The following CCDC174 variants were observed in gnomAD, a reference collection of about 807,000 sequenced individuals.
CCDC174 encodes the protein coiled-coil domain-containing protein 174.
Under a neutral mutation model 57.1 loss-of-function variants are expected in CCDC174, and 37 were observed. The ratio of observed to expected loss-of-function variants is 0.65; its 90% CI spans 0.50 to 0.85. The LOEUF is 0.85. Among genes scored for constraint, CCDC174 ranks in the 40% least tolerant of loss-of-function variants. CCDC174 has a pLI of 0.00. For synonymous variants in CCDC174, 182 were observed against 190.2 expected (o/e 0.96, Z 0.35); for missense variants, 540 against 574.3 (o/e 0.94, Z 0.61).
rs2031271734 is a variant in CCDC174, at chr3:14,665,106, A to G, written c.564A>G (p.Lys188=). The G allele has an allele frequency of 1.2e-6, 2 of 1,613,212 alleles. No individual in the cohort carries two copies. Among genetic ancestry groups the G allele is most frequent in the South Asian group, 2.2e-5 (2 of 91,066 alleles). ...TGCCAGATCTGCTGGAGATGGATAA[A>G]AATCTTCAGGGGAGACTGTAAGTGT... ...KDLPDLLEMD[K]NLQGRLFISP... is the part of the protein sequence containing the mutation. Residue 188 remains lysine, a synonymous_variant, in exon 6 of 11, where the codon AAA becomes AAG. Coordinates refer to ENST00000383794, the MANE Select transcript of CCDC174 (RefSeq NM_016474.5).
chr3:14,669,666 C>T (rs1479644210), intron 9 of CCDC174, among the ~76,000 whole-genome samples: 2 of 152,112 alleles, frequency 1.3e-5, no homozygotes, highest in Admixed American at 6.5e-5. Context: ...GACTCCAGCC[C>T]GTATCACTTT....
At chr3:14,656,064 T>C (rs1164463506) in intron 3 of CCDC174, among the ~76,000 whole-genome samples, 1 of 151,952 alleles carries the variant, frequency 6.6e-6, no homozygotes, top group Non-Finnish European at 1.5e-5. Context: ...CTCTCTCTCT[T>C]ACACACACAC....
intron 10 of CCDC174, 143 bp from the exon 11 acceptor site, chr3:14,670,753 T>C (rs2031481917): frequency 2.9e-6 from 2 of 688,348 alleles, no homozygotes; most frequent in East Asian, 2.7e-5. Context: ...TACCTTGTAA[T>C]ATAGTTTTGC....
Position 14,668,150 on chromosome 3 carries a change from A to C in CCDC174, c.921A>C (p.Ser307=). ...AKLRQKKMKK[S]KEGGTEEENR... ...TTCGACAAAAAAAGATGAAAAAATC[A>C]AAAGAAGGTGGAACAGAAGAAGAAA... Residue 307 remains serine, a synonymous_variant, in exon 9 of 11, where the codon TCA becomes TCC. Coordinates refer to ENST00000383794, the MANE Select transcript of CCDC174 (RefSeq NM_016474.5). 8.7e-6 allele frequency: 14 copies of C among 1,611,798 alleles called. No individual in the cohort carries two copies. Among genetic ancestry groups the C allele is most frequent in the Non-Finnish European group, 9.3e-6 (11 of 1,179,206 alleles).
intron 6 of CCDC174, among the ~76,000 whole-genome samples, chr3:14,665,359 A>G (rs2031280556): frequency 6.6e-6 from 1 of 152,220 alleles, no homozygotes; most frequent in African/African-American, 2.4e-5. Flanking sequence ...TTTTACTTGG[A>G]AGGATGTCTG....
At chr3:14,669,753 G>A (rs1009010518) in intron 9 of CCDC174, among the ~76,000 whole-genome samples, 181 bp from the exon 10 acceptor site, 1 of 152,130 alleles carries the variant, frequency 6.6e-6, no homozygotes, top group African/African-American at 2.4e-5. Flanking sequence ...GAATTTATTA[G>A]GATTGTTACA....
Position 14,654,529 on chromosome 3 carries a change from A to T in CCDC174, c.146A>T (p.Lys49Met), listed in dbSNP as rs1317211303. ...GVFGKPKTTN[K>M]KPSIWSKQNV... ...TTTGGAAAACCAAAAACAACTAACA[A>T]GGTAAAAAATAAGATCTAATTATCT... Residue 49 changes from lysine to methionine, a missense_variant and splice_region_variant, in exon 2 of 11, where the codon AAG (lysine) becomes ATG (methionine). Coordinates refer to ENST00000383794, the MANE Select transcript of CCDC174 (RefSeq NM_016474.5). 1.4e-6 allele frequency: 2 copies of T among 1,430,110 alleles called. No homozygotes were observed. The highest frequency in any genetic ancestry group is 2.0e-6 in the Non-Finnish European group (2 of 1,022,892). 88.6% of individuals were successfully genotyped at this position (1,430,110 alleles called of 1,614,324 possible).
intron 1 of CCDC174, among the ~76,000 whole-genome samples, chr3:14,653,292 A>C (rs1243243253): frequency 5.9e-5 from 9 of 152,222 alleles, no homozygotes; most frequent in Admixed American, 5.9e-4. Context: ...TAGACTAGGA[A>C]GATATGTGGC....
chr3:14,665,097 G>A lies in CCDC174; in HGVS notation c.555G>A (p.Glu185=), dbSNP rs200820539. The change falls in exon 6 of 11, where the codon GAG becomes GAA. Residue 185 remains glutamate (E), a synonymous_variant. Coordinates refer to ENST00000383794, the MANE Select transcript of CCDC174 (RefSeq NM_016474.5). ...GAAAGGATTTGCCAGATCTGCTGGA[G>A]ATGGATAAAAATCTTCAGGGGAGAC... ...CMRKDLPDLL[E]MDKNLQGRLF... is the part of the protein sequence containing the mutation. 6.2e-7 allele frequency: 1 copy of A among 1,613,964 alleles called. No individual in the cohort carries two copies. The highest frequency in any genetic ancestry group is 2.2e-5 in the East Asian group (1 of 44,884).
At chr3:14,667,378 A>G in intron 7 of CCDC174, 46 bp from the exon 8 acceptor site, 2 of 1,424,752 alleles carry the variant, frequency 1.4e-6, no homozygotes, top group Non-Finnish European at 2.0e-6. Flanking sequence ...GTGTAGTTGA[A>G]TGATCAGGAC....
At chr3:14,655,314 G>GA (rs113359021) in intron 2 of CCDC174, among the ~76,000 whole-genome samples, 78 of 141,994 alleles carry the variant, frequency 5.5e-4, no homozygotes, top group Non-Finnish European at 5.7e-4. Flanking sequence ...CTGTCTCAAA[G>GA]AAAAAAAAAA....
chr3:14,664,454 C>T (rs1318592190), intron 5 of CCDC174, among the ~76,000 whole-genome samples: 1 of 152,198 alleles, frequency 6.6e-6, no homozygotes, highest in Admixed American at 6.5e-5. Flanking sequence ...AGCTGTCTGA[C>T]CACTGTCTAG....
chr3:14,666,037 C>G (rs1216173256), intron 6 of CCDC174, among the ~76,000 whole-genome samples: 1 of 84,802 alleles, frequency 1.2e-5, no homozygotes, highest in Non-Finnish European at 2.4e-5. Flanking sequence ...GACTCCGTCT[C>G]AAAAAAAAAA....
intron 3 of CCDC174, 74 bp from the exon 4 acceptor site, chr3:14,658,797 G>T: frequency 6.9e-7 from 1 of 1,455,760 alleles, no homozygotes; most frequent in Non-Finnish European, 9.3e-7. Context: ...GTACCTGTCA[G>T]GCAGGGAGTG....
intron 6 of CCDC174, among the ~76,000 whole-genome samples, chr3:14,666,602 G>T (rs1311425674): frequency 4.0e-5 from 6 of 151,592 alleles, no homozygotes; most frequent in African/African-American, 1.5e-4. Flanking sequence ...CAGCCTGGGC[G>T]ACAGAGCAAG....
intron 9 of CCDC174, among the ~76,000 whole-genome samples, chr3:14,669,334 C>T (rs1015735900): frequency 6.6e-6 from 1 of 152,218 alleles, no homozygotes; most frequent in South Asian, 2.1e-4. Context: ...GATAAATGCT[C>T]GCTCTATAAC....
chr3:14,652,898 G>T (rs1045704478), intron 1 of CCDC174, among the ~76,000 whole-genome samples: 1 of 118,884 alleles, frequency 8.4e-6, no homozygotes, highest in Non-Finnish European at 1.6e-5. Context: ...GCGAAACTCC[G>T]TCTAAGGGGC....
chr3:14,654,645 C>T (rs2030891205), intron 2 of CCDC174, 115 bp downstream of exon 2: 2 of 535,840 alleles, frequency 3.7e-6, no homozygotes, highest in African/African-American at 2.0e-5. Flanking sequence ...AAGGAAAAAT[C>T]TCTATCTTGT....
intron 7 of CCDC174, 33 bp downstream of exon 7, chr3:14,666,980 T>C: frequency 6.4e-7 from 1 of 1,555,614 alleles, no homozygotes; most frequent in Non-Finnish European, 8.7e-7. Flanking sequence ...TTGCAAATCT[T>C]ATTTTTAACC....
Sources: gnomAD v4.1 joint callset for allele counts (sites outside exome capture counted in the v4.1 genomes callset) on GRCh38, gnomAD v4.1.1 for gene constraint, MANE v1.5 for transcripts, NCBI Gene and HGNC (gene_info 2026-07-23, HGNC 2026-07-21) for gene names.